The following CREBBP variants were observed in gnomAD, a reference collection of about 807,000 sequenced individuals.
The protein encoded by CREBBP is CREB binding lysine acetyltransferase.
In CREBBP, 19 loss-of-function variants were observed where a neutral mutation model predicts 265.0. The ratio of observed to expected loss-of-function variants is 0.07; its 90% CI spans 0.05 to 0.11. The LOEUF (loss-of-function observed/expected upper bound fraction) is 0.11. Among genes scored for constraint, CREBBP ranks in the 10% least tolerant of loss-of-function variants. The pLI, the probability that CREBBP is intolerant of heterozygous loss-of-function variation, is 1.00. For synonymous variants in CREBBP, 1,457 were observed against 1,223.7 expected (o/e 1.19, Z -3.98); for missense variants, 2,525 against 3,219.0 (o/e 0.78, Z 5.22).
At chr16:3,775,247 C>T (rs2053109301) in intron 11 of CREBBP, among the ~76,000 whole-genome samples, 1 of 152,192 alleles carries the variant, frequency 6.6e-6, no homozygotes, top group African/African-American at 2.4e-5. Context: ...TTTAATTTTG[C>T]AAGCACCTTA....
intron 2 of CREBBP, among the ~76,000 whole-genome samples, chr16:3,840,185 G>T (rs553846069): frequency 1.3e-5 from 2 of 152,270 alleles, no homozygotes; most frequent in South Asian, 2.1e-4. Flanking sequence ...TTTGTGTTAA[G>T]AATCAGATGA....
chr16:3,823,669 C>A (rs1484122700), intron 2 of CREBBP, among the ~76,000 whole-genome samples: 4 of 152,168 alleles, frequency 2.6e-5, no homozygotes, highest in Admixed American at 1.3e-4. Context: ...GCTGTTTGAA[C>A]TCTGGTTCAA....
intron 19 of CREBBP, among the ~76,000 whole-genome samples, chr16:3,754,667 T>A (rs2052548594): frequency 6.6e-6 from 1 of 152,216 alleles, no homozygotes; most frequent in Admixed American, 6.5e-5. Flanking sequence ...ATACTTATAT[T>A]ATCTACAGAT....
chr16:3,821,522 C>T (rs1739019382), intron 2 of CREBBP, among the ~76,000 whole-genome samples: 1 of 152,148 alleles, frequency 6.6e-6, no homozygotes, highest in African/African-American at 2.4e-5. Context: ...TAATCTGAGG[C>T]AAAATGATCC....
At position 3,731,438 on chromosome 16, in the gene CREBBP, G is replaced by A. The variant is rs2151317450; in HGVS notation, c.4926C>T (p.Val1642=). The A allele has an allele frequency of 6.3e-7, 1 of 1,599,628 alleles. No homozygotes were observed. The highest frequency in any genetic ancestry group is 1.3e-5 in the African/African-American group (1 of 74,968). The change falls in exon 30 of 31, where the codon GTC becomes GTT. Residue 1642 remains valine (V), a synonymous_variant. Coordinates refer to ENST00000262367, the MANE Select transcript of CREBBP (RefSeq NM_004380.3). The surrounding 1 kb of genome is among the most constrained non-coding windows in gnomAD (Gnocchi z 7.7). ...FFVIHLHAGP[V]INTLPPIVDP... is the part of the protein sequence containing the mutation. ...CGACGATGGGGGGCAGGGTGTTGAT[G>A]ACAGGCCCAGCGTGCAGGTGGATCA...
rs374499169 is a variant in CREBBP, at chr16:3,850,352, G to T, written c.743C>A (p.Pro248Gln). The T allele has an allele frequency of 6.2e-7, 1 of 1,614,216 alleles. No individual in the cohort carries two copies. Among genetic ancestry groups the T allele is most frequent in the African/African-American group, 1.3e-5 (1 of 75,040 alleles). Residue 248 changes from proline (P) to glutamine (Q), a missense_variant, in exon 2 of 31, where the codon CCG (proline) becomes CAG (glutamine). This residue lies in a region of CREBBP where 356 missense variants were observed against 340.4 expected (regional missense o/e 1.05). Coordinates refer to ENST00000262367, the MANE Select transcript of CREBBP (RefSeq NM_004380.3). Reference protein sequence around the residue: ...VLAETLTQVSPQMTGHAGLNT... With the variant: ...VLAETLTQVSQQMTGHAGLNT... ...CAGTCCCGCGTGACCAGTCATTTGCGGGGAAACCTGCGTTAGGGTCTCAGC... is the reference window on the plus strand; with the variant it reads ...CAGTCCCGCGTGACCAGTCATTTGCTGGGAAACCTGCGTTAGGGTCTCAGC...
At chr16:3,759,120 G>A in intron 16 of CREBBP, 148 bp from the exon 17 acceptor site, 1 of 709,546 alleles carries the variant, frequency 1.4e-6, no homozygotes, top group South Asian at 1.5e-5. Flanking sequence ...CACCGTTAAG[G>A]ACTAAAGCTT....
At chr16:3,836,365 T>G (rs1379388543) in intron 2 of CREBBP, among the ~76,000 whole-genome samples, 1 of 139,916 alleles carries the variant, frequency 7.1e-6, no homozygotes, top group Admixed American at 7.8e-5. Flanking sequence ...ACCCATGAGG[T>G]GGAGGTTGCA....
chr16:3,861,627 A>G (rs1448350273), intron 1 of CREBBP, among the ~76,000 whole-genome samples: 1 of 150,488 alleles, frequency 6.6e-6, no homozygotes, highest in African/African-American at 2.5e-5. Flanking sequence ...TATGCAAATA[A>G]ATATAATGGA....
chr16:3,734,119 G>T (rs2051989993), intron 28 of CREBBP, among the ~76,000 whole-genome samples: 1 of 152,136 alleles, frequency 6.6e-6, no homozygotes, highest in African/African-American at 2.4e-5. Flanking sequence ...ACGAAGCTGG[G>T]ACTGCACACA....
In CREBBP at chr16:3,835,756, T is replaced by A. The variant is rs1328672907; in HGVS notation, c.798+14541A>T. 2.0e-5 allele frequency among the ~76,000 whole-genome samples: 3 copies of A among 151,854 alleles called. No homozygotes were observed. In the East Asian group the frequency reaches 5.9e-4, roughly 30 times the overall value. On this transcript the variant is annotated intron_variant, in intron 2 of 30. Transcript: ENST00000262367. Reference sequence around the variant, plus strand: ...CACCACACCTGGCTGATTTTTTGTATTTTTAGTAGAGATGGGGGTTTCACC... The same window carrying A: ...CACCACACCTGGCTGATTTTTTGTAATTTTAGTAGAGATGGGGGTTTCACC...
intron 16 of CREBBP, among the ~76,000 whole-genome samples, chr16:3,765,353 A>G (rs2052826259): frequency 6.6e-6 from 1 of 152,268 alleles, no homozygotes; most frequent in African/African-American, 2.4e-5. Flanking sequence ...TGTGCGCTGC[A>G]TAGGCACAGT....
chr16:3,778,288 G>T, intron 9 of CREBBP, 106 bp from the exon 10 acceptor site: 1 of 923,002 alleles, frequency 1.1e-6, no homozygotes, highest in Non-Finnish European at 1.7e-6. Flanking sequence ...GAGTACACTG[G>T]CAAAAGTAGT....
Position 3,849,018 on chromosome 16 carries a change from G to A in CREBBP, c.798+1279C>T, listed in dbSNP as rs566818851. On this transcript the variant is annotated intron_variant, in intron 2 of 30. Coordinates refer to ENST00000262367, the MANE Select transcript of CREBBP (RefSeq NM_004380.3). Reference sequence around the variant, plus strand: ...CCAACGCTCTCATCAACCTTCTGGGGAAACTGTGTTCTACTCTTATTCTCC... The same window carrying A: ...CCAACGCTCTCATCAACCTTCTGGGAAAACTGTGTTCTACTCTTATTCTCC... Among the ~76,000 whole-genome samples, 70 of 152,280 alleles carry A rather than the reference G, an allele frequency of 4.6e-4. 1 individual carries two copies. The South Asian group carries it at 0.014, about 31-fold the overall frequency.
At position 3,767,873 on chromosome 16, in the gene CREBBP, T is replaced by C; in HGVS notation, c.3097A>G (p.Lys1033Glu). 2 of 1,614,214 alleles carry C rather than the reference T, an allele frequency of 1.2e-6. No homozygotes were observed. The highest frequency in any genetic ancestry group is 1.7e-6 in the Non-Finnish European group (2 of 1,180,032). ...TGCTCTGCTATGTCTGTTTCTTCTT[T>C]AACTTGGGAAGCTCCTTGCAAATCC... ...EEDLQGASQV[K>E]EETDIAEQKS... Residue 1033 changes from lysine (K) to glutamate (E), a missense_variant, in exon 16 of 31, where the codon AAA becomes GAA. Lys to Glu is a moderately conservative substitution (Grantham distance 56). This residue lies in a region of CREBBP where 548 missense variants were observed against 533.0 expected (regional missense o/e 1.03). Transcript: ENST00000262367.
chr16:3,759,014 C>A, intron 16 of CREBBP, 42 bp from the exon 17 acceptor site: 1 of 1,416,922 alleles, frequency 7.1e-7, no homozygotes, highest in Non-Finnish European at 1.0e-6. Context: ...GTAAAAGGTG[C>A]TCAGATCCCT....
At chr16:3,779,322 A>C (rs1326955332) in intron 8 of CREBBP, among the ~76,000 whole-genome samples, 1 of 152,090 alleles carries the variant, frequency 6.6e-6, no homozygotes, top group Non-Finnish European at 1.5e-5. Flanking sequence ...GTACAGGTGC[A>C]CACCACCATG....
chr16:3,758,806 A>C (rs1426767906), intron 17 of CREBBP, 48 bp downstream of exon 17: 4 of 1,366,924 alleles, frequency 2.9e-6, no homozygotes, highest in Non-Finnish European at 4.2e-6. Flanking sequence ...ATGGACACTC[A>C]GAAGTCACAC....
At chr16:3,802,688 G>C (rs933923228) in intron 3 of CREBBP, among the ~76,000 whole-genome samples, 2 of 152,076 alleles carry the variant, frequency 1.3e-5, no homozygotes, top group African/African-American at 4.8e-5. Flanking sequence ...GTTCCAAACA[G>C]CAAGAGACTG....
Sources: allele counts gnomAD v4.1 joint callset (sites outside exome capture counted in the v4.1 genomes callset), GRCh38; gene constraint gnomAD v4.1.1; regional missense constraint gnomAD v4.1.1; non-coding constraint Gnocchi (gnomAD v3.1); transcripts MANE v1.5; gene names NCBI Gene and HGNC (gene_info 2026-07-23, HGNC 2026-07-21).